Variants in GRID1 observed in about 807,000 individuals in gnomAD.
The protein encoded by GRID1 is glutamate receptor ionotropic, delta-1.
A neutral mutation model predicts 98.0 loss-of-function variants in GRID1; 28 were observed. That is an observed-to-expected ratio of 0.29 (90% confidence interval 0.21 to 0.39). The LOEUF (loss-of-function observed/expected upper bound fraction) is 0.39. GRID1 is among the 10% of genes least tolerant of loss of function. The pLI, the probability that GRID1 is intolerant of heterozygous loss-of-function variation, is 1.00. For missense variants in GRID1, 1,111 were observed against 1,340.5 expected (o/e 0.83, Z 2.67); for synonymous variants, 553 against 538.5 (o/e 1.03, Z -0.37).
intron 4 of GRID1, among the ~76,000 whole-genome samples, chr10:86,007,531 C>T (rs1331520007): frequency 6.6e-6 from 1 of 152,240 alleles, no homozygotes; most frequent in East Asian, 1.9e-4. Context: ...CTGTACTGCA[C>T]ATGTGCCAAA....
chr10:86,165,813 C>T (rs547103152), intron 3 of GRID1, among the ~76,000 whole-genome samples: 4 of 152,110 alleles, frequency 2.6e-5, no homozygotes, highest in South Asian at 2.1e-4. Flanking sequence ...GGCAAGACGG[C>T]GCTGTGAGTG....
At chr10:85,927,451 C>G (rs10788468) in intron 4 of GRID1, among the ~76,000 whole-genome samples, 87,050 of 151,062 alleles carry the variant, frequency 0.58, 25,619 homozygotes, top group African/African-American at 0.71. Flanking sequence ...CCATAAGCTG[C>G]GAGTTTCCAG....
At chr10:86,291,514 C>A (rs902251857) in intron 2 of GRID1, among the ~76,000 whole-genome samples, 2 of 152,164 alleles carry the variant, frequency 1.3e-5, no homozygotes, top group Non-Finnish European at 2.9e-5. Flanking sequence ...AGCCCAGGGG[C>A]ACAGCACAAG....
intron 4 of GRID1, among the ~76,000 whole-genome samples, chr10:86,018,286 T>C (rs2131885315): frequency 6.6e-6 from 1 of 152,316 alleles, no homozygotes; most frequent in Admixed American, 6.5e-5. Context: ...CAGAAAGCTC[T>C]CCCTGAAACA....
chr10:85,731,999 C>T (rs1841831710), intron 8 of GRID1, among the ~76,000 whole-genome samples: 1 of 152,000 alleles, frequency 6.6e-6, no homozygotes, highest in African/African-American at 2.4e-5. Context: ...CATTAAGATA[C>T]AGAATTGGTT....
chr10:85,656,871 G>A (rs1387670095), intron 12 of GRID1, among the ~76,000 whole-genome samples: 1 of 152,146 alleles, frequency 6.6e-6, no homozygotes, highest in Non-Finnish European at 1.5e-5. Flanking sequence ...TCCCTAGGAA[G>A]GCCAAGCAGA....
chr10:86,148,831 C>T (rs1845122126), intron 3 of GRID1, among the ~76,000 whole-genome samples: 1 of 152,166 alleles, frequency 6.6e-6, no homozygotes, highest in South Asian at 2.1e-4. Context: ...CTGCCCTGCT[C>T]CCCCAGGGGT....
At chr10:85,611,423 G>T (rs867670305) in intron 15 of GRID1, among the ~76,000 whole-genome samples, 14 of 152,152 alleles carry the variant, frequency 9.2e-5, no homozygotes, top group Non-Finnish European at 1.3e-4. Context: ...CCCCACCCTT[G>T]CCCACAGCTG....
intron 4 of GRID1, among the ~76,000 whole-genome samples, chr10:85,959,320 T>C (rs1198750232): frequency 6.6e-6 from 1 of 152,204 alleles, no homozygotes; most frequent in African/African-American, 2.4e-5. Flanking sequence ...CTGGGAAACT[T>C]TGGCCCTCTC....
chr10:86,228,678 A>G (rs1156811117), intron 2 of GRID1, among the ~76,000 whole-genome samples: 4 of 152,072 alleles, frequency 2.6e-5, no homozygotes, highest in Admixed American at 2.6e-4. Flanking sequence ...CAATGAGAAC[A>G]ACAGTGTCCC....
At chr10:85,973,951 C>T (rs909593292) in intron 4 of GRID1, among the ~76,000 whole-genome samples, 1 of 152,218 alleles carries the variant, frequency 6.6e-6, no homozygotes, top group Non-Finnish European at 1.5e-5. Flanking sequence ...ATCTCATTAT[C>T]ACCCAATATA....
At chr10:86,121,453 A>G (rs1290021345) in intron 4 of GRID1, among the ~76,000 whole-genome samples, 1 of 151,746 alleles carries the variant, frequency 6.6e-6, no homozygotes, top group Non-Finnish European at 1.5e-5. Context: ...CATAATCATC[A>G]TCATCACCAT....
intron 2 of GRID1, among the ~76,000 whole-genome samples, chr10:86,274,147 C>T (rs1301599846): frequency 6.6e-6 from 1 of 152,156 alleles, no homozygotes; most frequent in Non-Finnish European, 1.5e-5. Flanking sequence ...CCAGTTTTCC[C>T]AGCACCATTT....
intron 4 of GRID1, among the ~76,000 whole-genome samples, chr10:86,085,627 C>A (rs1036393995): frequency 3.3e-5 from 5 of 152,148 alleles, no homozygotes; most frequent in Admixed American, 1.3e-4. Flanking sequence ...ATGAAATGGA[C>A]AGTCACAGGG....
At chr10:86,343,288 G>GT (rs1486473814) in intron 2 of GRID1, among the ~76,000 whole-genome samples, 1 of 152,198 alleles carries the variant, frequency 6.6e-6, no homozygotes, top group Non-Finnish European at 1.5e-5. Context: ...TGTATCTACA[G>GT]TGTATGGAAC....
chr10:86,120,918 G>C (rs1844655512), intron 4 of GRID1, among the ~76,000 whole-genome samples: 1 of 152,014 alleles, frequency 6.6e-6, no homozygotes, highest in Admixed American at 6.6e-5. Flanking sequence ...CTTGAGGCTG[G>C]GCTCCCAACA....
At chr10:85,798,942 A>AGT (rs1842551174) in intron 8 of GRID1, among the ~76,000 whole-genome samples, 1 of 150,712 alleles carries the variant, frequency 6.6e-6, no homozygotes, top group Non-Finnish European at 1.5e-5. Flanking sequence ...AATGTCATGA[A>AGT]GTGTTTCTCC....
chr10:85,636,081 C>A (rs1027856289), intron 13 of GRID1, among the ~76,000 whole-genome samples: 1 of 152,190 alleles, frequency 6.6e-6, no homozygotes, highest in Non-Finnish European at 1.5e-5. Flanking sequence ...TAACCTCACA[C>A]CTGATCCATG....
rs538364166 is a variant in GRID1 at position 85,786,515 on chromosome 10, G to T, written c.1234-56901C>A. 3.3e-5 allele frequency among the ~76,000 whole-genome samples: 5 copies of T among 152,298 alleles called. No individual in the cohort carries two copies. The East Asian group carries it at 9.6e-4, about 29-fold the overall frequency. On this transcript the variant is annotated intron_variant, in intron 8 of 15. Coordinates refer to ENST00000327946, the MANE Select transcript of GRID1 (RefSeq NM_017551.3). ...CAGGGCAGCAGGGTGCCTCAGGAGG[G>T]CAGCAAAGGGCTGGAGAGGAGCACA...
Sources: allele counts gnomAD v4.1 joint callset (sites outside exome capture counted in the v4.1 genomes callset), GRCh38; gene constraint gnomAD v4.1.1; transcripts MANE v1.5; gene names NCBI Gene and HGNC (gene_info 2026-07-23, HGNC 2026-07-21).